Variants in TOX3 observed in about 807,000 individuals in gnomAD.
The protein encoded by TOX3 is TOX high mobility group box family member 3.
A neutral mutation model predicts 64.3 loss-of-function variants in TOX3; 22 were observed. The ratio of observed to expected loss-of-function variants is 0.34; its 90% CI spans 0.24 to 0.49. The LOEUF is 0.49. TOX3 is among the 20% of genes least tolerant of loss of function. The pLI, the probability that TOX3 is intolerant of heterozygous loss-of-function variation, is 0.99. For synonymous variants in TOX3, 291 were observed against 273.6 expected, an observed-to-expected ratio of 1.06 and a Z score of -0.63; for missense variants, 661 against 714.4, an observed-to-expected ratio of 0.93 and a Z score of 0.85.
chr16:52,445,150 A>C (rs958810308), intron 5 of TOX3: 1 of 152,252 alleles, frequency 6.6e-6, no homozygotes. Flanking sequence ...CAAACTAAAA[A>C]GAAATTTCTA....
At position 52,546,302 on chromosome 16, in the gene TOX3, G is replaced by A. The variant is rs556500930; in HGVS notation, c.87+335C>T. Among the ~76,000 whole-genome samples, 7 of 152,222 alleles carry A rather than the reference G, an allele frequency of 4.6e-5. No individual in the cohort carries two copies. The South Asian group carries it at 1.2e-3, about 27-fold the overall frequency. ...CTCAGTCCAGGGGGGCTGCGATCGT[G>A]TTTACTAATAACAGCAACAAACAAT... On this transcript the variant is annotated intron_variant, in intron 1 of 6. Coordinates refer to ENST00000219746, the MANE Select transcript of TOX3 (RefSeq NM_001080430.4).
chr16:52,541,003 T>C (rs1433383675), intron 1 of TOX3, among the ~76,000 whole-genome samples: 1 of 152,104 alleles, frequency 6.6e-6, no homozygotes, highest in East Asian at 1.9e-4. Flanking sequence ...CTGATAAACT[T>C]AGAAAGAGCA....
At position 52,475,991 on chromosome 16, in the gene TOX3, T is replaced by A. The variant is rs535334751; in HGVS notation, c.88-7417A>T. 2.6e-5 allele frequency among the ~76,000 whole-genome samples: 4 copies of A among 152,322 alleles called. No individual in the cohort carries two copies. In the South Asian group the frequency reaches 8.3e-4, roughly 32 times the overall value. Reference sequence around the variant, plus strand: ...AGACTAATATGGAAATTCCTTTTTTTAAAATAAACATTTCTACACATCTCA... The same window carrying A: ...AGACTAATATGGAAATTCCTTTTTTAAAAATAAACATTTCTACACATCTCA... On this transcript the variant is annotated intron_variant, in intron 1 of 6. Coordinates refer to ENST00000219746, the MANE Select transcript of TOX3 (RefSeq NM_001080430.4).
chr16:52,476,691 T>C (rs1200751849), intron 1 of TOX3, among the ~76,000 whole-genome samples: 1 of 152,154 alleles, frequency 6.6e-6, no homozygotes, highest in Non-Finnish European at 1.5e-5. Flanking sequence ...TTCCAGTTTG[T>C]CTCCCTCCCT....
chr16:52,510,790 G>GAC (rs1962287454), intron 1 of TOX3, among the ~76,000 whole-genome samples: 3 of 143,026 alleles, frequency 2.1e-5, no homozygotes, highest in Non-Finnish European at 4.6e-5. Flanking sequence ...AGAAGAAGAA[G>GAC]AAGAAGAAAA....
chr16:52,455,213 C>T (rs1386575954), intron 3 of TOX3, among the ~76,000 whole-genome samples: 6 of 152,096 alleles, frequency 3.9e-5, no homozygotes, highest in East Asian at 1.9e-4. Flanking sequence ...TGCCTTGTCT[C>T]GTTTTGTCTT....
chr16:52,466,629 C>G (rs1960872200), intron 2 of TOX3, among the ~76,000 whole-genome samples: 1 of 152,076 alleles, frequency 6.6e-6, no homozygotes, highest in Non-Finnish European at 1.5e-5. Flanking sequence ...CTATGCTAAG[C>G]AGTCATAATT....
intron 2 of TOX3, among the ~76,000 whole-genome samples, chr16:52,465,833 C>T (rs16951190): frequency 0.016 from 2,398 of 152,220 alleles, 64 homozygotes; most frequent in African/African-American, 0.055. Flanking sequence ...GACAACTGAA[C>T]ATCTTGAGGT....
chr16:52,521,458 A>G (rs920447037), intron 1 of TOX3, among the ~76,000 whole-genome samples: 3 of 152,144 alleles, frequency 2.0e-5, no homozygotes, highest in African/African-American at 7.2e-5. Context: ...GAAAAAAAAA[A>G]AGTTCAGTGG....
intron 3 of TOX3, among the ~76,000 whole-genome samples, chr16:52,461,130 T>G (rs1960674420): frequency 6.6e-6 from 1 of 152,186 alleles, no homozygotes; most frequent in Non-Finnish European, 1.5e-5. Context: ...ACTCACATTG[T>G]AGATTTTTAG....
chr16:52,476,762 A>G (rs776494629), intron 1 of TOX3, among the ~76,000 whole-genome samples: 3 of 152,156 alleles, frequency 2.0e-5, no homozygotes, highest in Non-Finnish European at 4.4e-5. Context: ...TTAATAGGAT[A>G]TATTTAGTGG....
chr16:52,454,855 G>T (rs1426445006), intron 3 of TOX3, among the ~76,000 whole-genome samples: 1 of 152,164 alleles, frequency 6.6e-6, no homozygotes, highest in African/African-American at 2.4e-5. Context: ...ACAACATAAT[G>T]TAGGCCAGAA....
chr16:52,529,430 G>T (rs1173516457), intron 1 of TOX3, among the ~76,000 whole-genome samples: 1 of 152,082 alleles, frequency 6.6e-6, no homozygotes, highest in African/African-American at 2.4e-5. Flanking sequence ...TACAAACATA[G>T]TCATTGTACT....
chr16:52,536,598 A>AACATCTTT (rs1272536503), intron 1 of TOX3, among the ~76,000 whole-genome samples: 1 of 132,568 alleles, frequency 7.5e-6, no homozygotes, highest in Non-Finnish European at 1.6e-5. Context: ...TCTCTTCCCC[A>AACATCTTT]ACATCTTTTC....
At chr16:52,490,626 A>ATTTT (rs3086679) in intron 1 of TOX3, among the ~76,000 whole-genome samples, 1,006 of 99,022 alleles carry the variant, frequency 0.01, 51 homozygotes, top group African/African-American at 0.042. Flanking sequence ...CTAGGATGTA[A>ATTTT]TTTTTTTTTT....
Position 52,464,093 on chromosome 16 carries a change from A to G in TOX3, c.249T>C (p.Asp83=). 1 of 1,603,454 alleles carries G rather than the reference A, an allele frequency of 6.2e-7. No homozygotes were observed. The highest frequency in any genetic ancestry group is 8.5e-7 in the Non-Finnish European group (1 of 1,175,196). The part of the protein sequence containing the change: ...PESDPALGMP[D]VLLPFQALSD... ...TGAGGGCTTGAAAGGGTAGCAGTAC[A>G]TCCGGCATGCCTAGGGCAGGGTCTG... is the stretch of plus-strand genomic sequence containing the variant. The change falls in exon 3 of 7, where the codon GAT becomes GAC. Residue 83 remains aspartate (D), a synonymous_variant. Coordinates refer to ENST00000219746, the MANE Select transcript of TOX3 (RefSeq NM_001080430.4).
intron 1 of TOX3, among the ~76,000 whole-genome samples, chr16:52,515,365 T>A (rs1277260045): frequency 6.6e-6 from 1 of 152,158 alleles, no homozygotes; most frequent in Admixed American, 6.5e-5. Context: ...TCCATCTCCA[T>A]GAAACTAAAA....
chr16:52,448,391 C>T (rs751257314), intron 4 of TOX3, among the ~76,000 whole-genome samples: 16 of 152,056 alleles, frequency 1.1e-4, no homozygotes, highest in South Asian at 2.1e-4. Flanking sequence ...TGAAGATCAG[C>T]GGACGTGTGA....
chr16:52,541,028 G>T (rs1321239796), intron 1 of TOX3, among the ~76,000 whole-genome samples: 1 of 151,964 alleles, frequency 6.6e-6, no homozygotes, highest in Admixed American at 6.6e-5. Context: ...CTTGACCTTA[G>T]AAGGCCCTCT....
Sources: gnomAD v4.1 joint callset for allele counts (sites outside exome capture counted in the v4.1 genomes callset) on GRCh38, gnomAD v4.1.1 for gene constraint, MANE v1.5 for transcripts, NCBI Gene and HGNC (gene_info 2026-07-23, HGNC 2026-07-21) for gene names.